DDHD1: variants seen among roughly 807,000 people sequenced by gnomAD.
DDHD1 encodes the protein phospholipase DDHD1.
A neutral mutation model predicts 96.4 loss-of-function variants in DDHD1; 49 were observed. That is an observed-to-expected ratio of 0.51 (90% confidence interval 0.40 to 0.64). The LOEUF is 0.64. Ranked by LOEUF, DDHD1 falls within the 30% of genes least tolerant of loss-of-function variation. DDHD1 has a pLI of 0.00. For missense variants in DDHD1, 1,106 were observed against 1,161.2 expected, an observed-to-expected ratio of 0.95 and a Z score of 0.69; for synonymous variants, 442 against 446.5, an observed-to-expected ratio of 0.99 and a Z score of 0.13.
chr14:53,058,340 C>G (rs867702081), intron 9 of DDHD1, 137 bp downstream of exon 9: 1 of 956,722 alleles, frequency 1.0e-6, no homozygotes, highest in South Asian at 1.8e-5. Context: ...GTCTTGAACT[C>G]CTGACCTCAG....
chr14:53,075,343 A>C (rs1210333608), intron 4 of DDHD1, among the ~76,000 whole-genome samples: 3 of 152,194 alleles, frequency 2.0e-5, no homozygotes, highest in Non-Finnish European at 4.4e-5. Context: ...ATTGTTGATA[A>C]GGAGAAAGTT....
At position 53,134,655 on chromosome 14, in the gene DDHD1, C is replaced by A. The variant is rs533409141; in HGVS notation, c.838+17606G>T. ...TTTAAATGAAGAGTGTTGTTTTTAC[C>A]TAAATCAATCTGGCCTGGTATATGA... On this transcript the variant is annotated intron_variant, in intron 1 of 12. Transcript: ENST00000673822. Among the ~76,000 whole-genome samples, 9 of 151,152 alleles carry A rather than the reference C, an allele frequency of 6.0e-5. No individual in the cohort carries two copies. In the East Asian group the frequency reaches 1.6e-3, roughly 26 times the overall value.
At chr14:53,086,186 G>C (rs1885931336) in intron 4 of DDHD1, among the ~76,000 whole-genome samples, 1 of 152,220 alleles carries the variant, frequency 6.6e-6, no homozygotes, top group South Asian at 2.1e-4. Context: ...TGGTGTACCT[G>C]AAAGTGACGG....
chr14:53,055,422 A>G (rs1292376907), intron 10 of DDHD1, among the ~76,000 whole-genome samples: 1 of 152,232 alleles, frequency 6.6e-6, no homozygotes, highest in African/African-American at 2.4e-5. Flanking sequence ...CTTGATTCTC[A>G]TAACAGCTTT....
chr14:53,136,505 T>C (rs1465022004), intron 1 of DDHD1, among the ~76,000 whole-genome samples: 2 of 152,168 alleles, frequency 1.3e-5, no homozygotes, highest in Non-Finnish European at 2.9e-5. Context: ...GTGCCAAAGA[T>C]CTCTAGAAGA....
chr14:53,134,597 T>TACA (rs751711453), intron 1 of DDHD1, among the ~76,000 whole-genome samples: 2 of 128,020 alleles, frequency 1.6e-5, no homozygotes, highest in African/African-American at 5.9e-5. Flanking sequence ...TACTCACTGC[T>TACA]AAAAAAAAAA....
chr14:53,108,549 G>A, intron 1 of DDHD1, among the ~76,000 whole-genome samples: 1 of 152,124 alleles, frequency 6.6e-6, no homozygotes, highest in East Asian at 1.9e-4. Flanking sequence ...GCAAGACTCT[G>A]TCTCAAAAAA....
chr14:53,064,981 C>T (rs1595108885), intron 6 of DDHD1, among the ~76,000 whole-genome samples: 1 of 152,138 alleles, frequency 6.6e-6, no homozygotes, highest in South Asian at 2.1e-4. Flanking sequence ...ATTAGGATCC[C>T]TTTGTGACCA....
intron 1 of DDHD1, among the ~76,000 whole-genome samples, chr14:53,136,353 G>A (rs1042431297): frequency 1.3e-5 from 2 of 152,184 alleles, no homozygotes; most frequent in Non-Finnish European, 2.9e-5. Flanking sequence ...AGAGTTTCCA[G>A]GCAATAGCAC....
intron 1 of DDHD1, among the ~76,000 whole-genome samples, chr14:53,145,825 C>T (rs982402232): frequency 6.6e-6 from 1 of 152,180 alleles, no homozygotes; most frequent in African/African-American, 2.4e-5. Context: ...ACCTGACCCC[C>T]AGCAGTCATT....
In DDHD1 at chr14:53,105,959, T is replaced by TGTGGTG. The variant is rs879434839; in HGVS notation, c.839-2109_839-2104dup. Among the ~76,000 whole-genome samples, 47 of 151,672 alleles carry TGTGGTG rather than the reference T, an allele frequency of 3.1e-4. No individual in the cohort carries two copies. In the East Asian group the frequency reaches 8.7e-3, roughly 28 times the overall value. Reference sequence around the variant, plus strand: ...CCAGTGGTTCTCTCTCTCTCTCTCCTGTGGTGGTGGTGGTGGTGGTGTGTG... The same window carrying TGTGGTG: ...CCAGTGGTTCTCTCTCTCTCTCTCCTGTGGTGGTGGTGGTGGTGGTGGTGGTGTGTG... On this transcript the variant is annotated intron_variant, in intron 1 of 12. Coordinates refer to ENST00000673822, the MANE Select transcript of DDHD1 (RefSeq NM_001160148.2).
At chr14:53,138,099 T>C (rs1258042812) in intron 1 of DDHD1, among the ~76,000 whole-genome samples, 1 of 152,202 alleles carries the variant, frequency 6.6e-6, no homozygotes, top group East Asian at 1.9e-4. Context: ...AAGAAATTGT[T>C]TTTTTAAAAA....
At chr14:53,090,761 T>C (rs1011635581) in intron 4 of DDHD1, among the ~76,000 whole-genome samples, 1 of 151,872 alleles carries the variant, frequency 6.6e-6, no homozygotes, top group African/African-American at 2.4e-5. Flanking sequence ...TTAGGAGAAA[T>C]ACCTAATGTA....
At chr14:53,135,444 T>C (rs1890165211) in intron 1 of DDHD1, among the ~76,000 whole-genome samples, 2 of 152,228 alleles carry the variant, frequency 1.3e-5, no homozygotes, top group Admixed American at 1.3e-4. Context: ...CACCACCCGT[T>C]GCTGACTCCA....
intron 1 of DDHD1, among the ~76,000 whole-genome samples, chr14:53,121,602 TA>T (rs1055580878): frequency 2.0e-5 from 3 of 152,046 alleles, no homozygotes; most frequent in Non-Finnish European, 4.4e-5. Context: ...TATGCAGCCA[TA>T]AAAAAGGATG....
rs865886270 is a variant in DDHD1 at position 53,113,377 on chromosome 14, C to A, written c.839-9521G>T. ...TTTTTTTTCTTTTTAAAAAAAAAAA[C>A]CCCTGTACAAGCCAAAAAAAAAAAA... On this transcript the variant is annotated intron_variant, in intron 1 of 12. Coordinates refer to ENST00000673822, the MANE Select transcript of DDHD1 (RefSeq NM_001160148.2). Among the ~76,000 whole-genome samples, 518 of 100,232 alleles carry A rather than the reference C, an allele frequency of 5.2e-3. 5 individuals are homozygous for A. Among genetic ancestry groups the A allele is most frequent in the Middle Eastern group, 0.02 (4 of 200 alleles). 65.8% of individuals were successfully genotyped at this position (100,232 alleles called of 152,430 possible).
chr14:53,122,202 G>A (rs1172835836), intron 1 of DDHD1, among the ~76,000 whole-genome samples: 1 of 152,160 alleles, frequency 6.6e-6, no homozygotes, highest in African/African-American at 2.4e-5. Context: ...AACAGCCGTG[G>A]CACCTTCTCA....
chr14:53,050,133 T>C (rs559324386), intron 12 of DDHD1, among the ~76,000 whole-genome samples: 1 of 152,292 alleles, frequency 6.6e-6, no homozygotes, highest in African/African-American at 2.4e-5. Context: ...GAATGAAAGA[T>C]GGCTTTCACC....
At chr14:53,080,230 G>A (rs1181532293) in intron 4 of DDHD1, among the ~76,000 whole-genome samples, 1 of 152,130 alleles carries the variant, frequency 6.6e-6, no homozygotes, top group Non-Finnish European at 1.5e-5. Context: ...GTGTGGTGGT[G>A]TGCACCTGTA....
Sources: allele counts gnomAD v4.1 joint callset (sites outside exome capture counted in the v4.1 genomes callset), GRCh38; gene constraint gnomAD v4.1.1; transcripts MANE v1.5; gene names NCBI Gene and HGNC (gene_info 2026-07-23, HGNC 2026-07-21).